Variants in ZNF518A observed in about 807,000 individuals in gnomAD.
ZNF518A encodes the protein zinc finger protein 518.
Under a neutral mutation model 102.7 loss-of-function variants are expected in ZNF518A, and 47 were observed. That is an observed-to-expected ratio of 0.46 (90% CI 0.36 to 0.58). ZNF518A has a LOEUF of 0.58. ZNF518A is among the 20% of genes least tolerant of loss of function. The pLI, the probability that ZNF518A is intolerant of heterozygous loss-of-function variation, is 0.00. For synonymous variants in ZNF518A, 652 were observed against 594.6 expected (o/e 1.10, Z -1.40); for missense variants, 1,793 against 1,699.8 (o/e 1.05, Z -0.96).
chr10:96,164,707 G>A (rs1256648509), downstream of ZNF518A, among the ~76,000 whole-genome samples: 2 of 152,178 alleles, frequency 1.3e-5, no homozygotes, highest in African/African-American at 2.4e-5. Context: ...AGTAAATAGT[G>A]TGGAAAAAAT....
chr10:96,152,560 C>G (rs183207495), intron 3 of ZNF518A, among the ~76,000 whole-genome samples: 1 of 152,300 alleles, frequency 6.6e-6, no homozygotes, highest in African/African-American at 2.4e-5. Flanking sequence ...GATACATACA[C>G]AGTCATACCT....
intron 1 of ZNF518A, chr10:96,189,816 A>T: frequency 8.7e-7 from 1 of 1,154,534 alleles, no homozygotes; most frequent in Non-Finnish European, 1.3e-6. Context: ...GATATCCTTA[A>T]GAGTTTCACA....
chr10:96,163,905 A>G (rs1212115965), downstream of ZNF518A: 1 of 164,898 alleles, frequency 6.1e-6, no homozygotes, highest in Non-Finnish European at 1.5e-5. Context: ...TAAAAGAGCT[A>G]CAAAGTACGA....
At chr10:96,168,111 T>C (rs1349631771), downstream of ZNF518A, among the ~76,000 whole-genome samples, 1 of 152,208 alleles carries the variant, frequency 6.6e-6, no homozygotes, top group Non-Finnish European at 1.5e-5. Context: ...GAACAAGAGT[T>C]ACGAACAGAT....
chr10:96,184,528 C>G (rs587694632), intron 1 of ZNF518A, among the ~76,000 whole-genome samples: 1 of 152,192 alleles, frequency 6.6e-6, no homozygotes, highest in Non-Finnish European at 1.5e-5. Flanking sequence ...ATTTGCTTGT[C>G]TGTAAAGGAT....
rs2082948323 is a variant in ZNF518A, at chr10:96,160,393, A to C, written c.4071A>C (p.Ala1357=). 3.1e-6 allele frequency: 5 copies of C among 1,613,442 alleles called. No homozygotes were observed. The highest frequency in any genetic ancestry group is 4.5e-5 in the East Asian group (2 of 44,872). Residue 1357 remains alanine (A), a synonymous_variant, in exon 6 of 6, where the codon GCA becomes GCC. Coordinates refer to ENST00000316045, the MANE Select transcript of ZNF518A (RefSeq NM_001330736.2). The part of the protein sequence containing the change: ...VVVLNHPDAD[A]PEVVSVMKTI... ...TTTTGAATCATCCTGACGCAGATGC[A>C]CCAGAAGTAGTAAGTGTAATGAAAA... is the stretch of plus-strand genomic sequence containing the variant.
chr10:96,176,387 C>T (rs2083204792), intron 1 of ZNF518A, among the ~76,000 whole-genome samples: 1 of 152,130 alleles, frequency 6.6e-6, no homozygotes, highest in African/African-American at 2.4e-5. Context: ...TGAAAATTTT[C>T]CTTAAATTTT....
chr10:96,167,961 CTT>C (rs1183984905), downstream of ZNF518A, among the ~76,000 whole-genome samples: 2 of 152,194 alleles, frequency 1.3e-5, no homozygotes, highest in African/African-American at 4.8e-5. Flanking sequence ...TTAATCTCAA[CTT>C]AATTTCAGTA....
chr10:96,192,150 C>A, intron 1 of ZNF518A: 1 of 1,600,450 alleles, frequency 6.2e-7, no homozygotes. Context: ...ATTTGAGCTC[C>A]ACTCCTCCCA....
intron 1 of ZNF518A, among the ~76,000 whole-genome samples, chr10:96,180,072 G>T (rs948426040): frequency 1.3e-5 from 2 of 151,056 alleles, no homozygotes; most frequent in Non-Finnish European, 2.9e-5. Context: ...TAGAGAGAGG[G>T]TTTCACCCTG....
At chr10:96,150,738 CTTT>C (rs1315210562) in intron 3 of ZNF518A, among the ~76,000 whole-genome samples, 1 of 23,630 alleles carries the variant, frequency 4.2e-5, no homozygotes, top group African/African-American at 1.4e-4. Flanking sequence ...AACTTTCTTT[CTTT>C]CCTTTTTTTT....
chr10:96,185,850 G>A (rs998635656), intron 1 of ZNF518A, among the ~76,000 whole-genome samples: 3 of 152,316 alleles, frequency 2.0e-5, no homozygotes, highest in Non-Finnish European at 2.9e-5. Context: ...AGGCAGGCAG[G>A]CCTCCTTGAG....
Position 96,157,783 on chromosome 10 carries a change from G to C in ZNF518A, c.1461G>C (p.Gln487His), listed in dbSNP as rs781802454. Residue 487 changes from glutamine to histidine, a missense_variant, in exon 6 of 6, where the codon CAG becomes CAC. Transcript: ENST00000316045. ...ACGGTACTGCTAATTTGCAGCCCCA[G>C]ACTTTGGACACTAATGGATTTTTAA... ...AKDGTANLQPQTLDTNGFLTG... is the reference protein window; with the variant it reads ...AKDGTANLQPHTLDTNGFLTG... 38 of 1,613,770 alleles carry C rather than the reference G, an allele frequency of 2.4e-5. 1 individual carries two copies. The East Asian group carries it at 3.8e-4, about 16-fold the overall frequency.
chr10:96,138,272 T>A (rs1366088848), intron 3 of ZNF518A, among the ~76,000 whole-genome samples: 1 of 152,232 alleles, frequency 6.6e-6, no homozygotes, highest in African/African-American at 2.4e-5. Context: ...GCTTCCTCTC[T>A]GATTCAGAAT....
chr10:96,200,193 G>A lies in ZNF518A; in HGVS notation n.36-3381G>A. On this transcript the variant is annotated intron_variant and non_coding_transcript_variant, in intron 1 of 2. Transcript: ENST00000442635. The surrounding 1 kb of genome is among the most constrained non-coding windows in gnomAD (Gnocchi z 4.3). ...GGAGGGCACTGGTCAGCATGGGATG[G>A]TCCCTACTTAACTCTAATTTCTGTG... 6.3e-7 allele frequency: 1 copy of A among 1,577,902 alleles called. No homozygotes were observed. The highest frequency in any genetic ancestry group is 8.7e-7 in the Non-Finnish European group (1 of 1,147,592).
At chr10:96,163,963 A>C (rs2133874658), downstream of ZNF518A, among the ~76,000 whole-genome samples, 1 of 152,350 alleles carries the variant, frequency 6.6e-6, no homozygotes, top group Admixed American at 6.5e-5. Flanking sequence ...TTTGTATAAC[A>C]GTGAAGAGAC....
At chr10:96,186,557 C>T (rs1286934741) in intron 1 of ZNF518A, among the ~76,000 whole-genome samples, 4 of 152,006 alleles carry the variant, frequency 2.6e-5, no homozygotes, top group African/African-American at 9.7e-5. Flanking sequence ...ACCACCATGC[C>T]CAGCTAATTT....
At chr10:96,202,251 A>T (rs1481361551) in intron 1 of ZNF518A, among the ~76,000 whole-genome samples, 1 of 152,178 alleles carries the variant, frequency 6.6e-6, no homozygotes, top group Non-Finnish European at 1.5e-5. Flanking sequence ...GGGGGGTAAC[A>T]TGATCTGCCT....
intron 1 of ZNF518A, among the ~76,000 whole-genome samples, chr10:96,199,047 G>C (rs949599238): frequency 1.3e-5 from 2 of 152,166 alleles, no homozygotes; most frequent in African/African-American, 2.4e-5. Flanking sequence ...ATGTAAACAC[G>C]ATTTTTCCTC....
Sources: gnomAD v4.1 joint callset for allele counts (sites outside exome capture counted in the v4.1 genomes callset) on GRCh38, gnomAD v4.1.1 for gene constraint, Gnocchi (gnomAD v3.1) non-coding constraint, MANE v1.5 for transcripts, NCBI Gene and HGNC (gene_info 2026-07-23, HGNC 2026-07-21) for gene names.